Variants in ZDHHC17 observed in about 807,000 individuals in gnomAD.
ZDHHC17 encodes zDHHC palmitoyltransferase 17, also known as palmitoyltransferase ZDHHC17.
Under a neutral mutation model 90.3 loss-of-function variants are expected in ZDHHC17, and 40 were observed. That is an observed-to-expected ratio of 0.44 (90% CI 0.34 to 0.58). The LOEUF is 0.58. Among genes scored for constraint, ZDHHC17 ranks in the 20% least tolerant of loss-of-function variants. The pLI is 0.01. For synonymous variants in ZDHHC17, 235 were observed against 252.4 expected, an observed-to-expected ratio of 0.93 and a Z score of 0.65; for missense variants, 614 against 780.8, an observed-to-expected ratio of 0.79 and a Z score of 2.55.
intron 1 of ZDHHC17, among the ~76,000 whole-genome samples, chr12:76,794,407 A>G (rs74104850): frequency 2.6e-5 from 4 of 152,336 alleles, no homozygotes; most frequent in African/African-American, 7.2e-5. Flanking sequence ...CACATTGACA[A>G]GGTACTAGTC....
intron 1 of ZDHHC17, among the ~76,000 whole-genome samples, chr12:76,790,581 T>C (rs1952749325): frequency 6.6e-6 from 1 of 152,222 alleles, no homozygotes; most frequent in Admixed American, 6.5e-5. Context: ...ACATATATTG[T>C]TACAAATACA....
At chr12:76,833,819 C>T (rs1953332635) in intron 10 of ZDHHC17, among the ~76,000 whole-genome samples, 1 of 151,810 alleles carries the variant, frequency 6.6e-6, no homozygotes, top group Admixed American at 6.6e-5. Context: ...AAAATAAATA[C>T]CCTTTAATCT....
rs937034725 is a variant in ZDHHC17 at position 76,827,468 on chromosome 12, A to C, written c.1040+418A>C. ...GGTTTTATTTCTAGTAGCAAGGTAAAGTCTAAGCATAGTTGTGAAGTCGGC... is the reference window on the plus strand; with the variant it reads ...GGTTTTATTTCTAGTAGCAAGGTAACGTCTAAGCATAGTTGTGAAGTCGGC... On this transcript the variant is annotated intron_variant, in intron 9 of 16. Transcript: ENST00000426126. 5.9e-5 allele frequency among the ~76,000 whole-genome samples: 9 copies of C among 152,150 alleles called. No individual in the cohort carries two copies. The South Asian group carries it at 1.2e-3, about 21-fold the overall frequency.
At chr12:76,772,198 C>T (rs1333341838) in intron 1 of ZDHHC17, among the ~76,000 whole-genome samples, 1 of 152,148 alleles carries the variant, frequency 6.6e-6, no homozygotes, top group African/African-American at 2.4e-5. Context: ...TAGCACAATA[C>T]AGTATGATAG....
chr12:76,801,164 G>A (rs1317439345), intron 2 of ZDHHC17, among the ~76,000 whole-genome samples: 1 of 150,750 alleles, frequency 6.6e-6, no homozygotes, highest in Non-Finnish European at 1.5e-5. Context: ...GGGATTACAG[G>A]CGAGAGCCAC....
At chr12:76,815,734 A>G (rs1306389766) in intron 6 of ZDHHC17, 123 bp from the exon 7 acceptor site, 2 of 899,448 alleles carry the variant, frequency 2.2e-6, no homozygotes, top group African/African-American at 1.7e-5. Context: ...GTTGTTGAGT[A>G]GGTTAGAAGT....
Position 76,850,916 on chromosome 12 carries a change from C to A in ZDHHC17, c.1830C>A (p.Ile610=). 6.2e-7 allele frequency: 1 copy of A among 1,613,870 alleles called. No individual in the cohort carries two copies. Among genetic ancestry groups the A allele is most frequent in the Non-Finnish European group, 8.5e-7 (1 of 1,179,866 alleles). ...GCTGTGGCCTCTTTCGTCCTGTTAT[C>A]GTGGACTGGACCAGGCAGTATACAA... ...FRCCGLFRPV[I]VDWTRQYTIE... Residue 610 remains isoleucine, a synonymous_variant, in exon 17 of 17, where the codon ATC becomes ATA. Transcript: ENST00000426126.
intron 11 of ZDHHC17, among the ~76,000 whole-genome samples, 187 bp from the exon 12 acceptor site, chr12:76,842,732 T>G (rs192484821): frequency 1.6e-4 from 25 of 152,244 alleles, no homozygotes; most frequent in African/African-American, 5.8e-4. Flanking sequence ...CTGGGCAGCA[T>G]AGAGATTGCT....
At chr12:76,800,809 T>C (rs1479726743) in intron 2 of ZDHHC17, among the ~76,000 whole-genome samples, 1 of 152,130 alleles carries the variant, frequency 6.6e-6, no homozygotes, top group Non-Finnish European at 1.5e-5. Flanking sequence ...CCAAACTGTC[T>C]TTGGGTTGGA....
intron 8 of ZDHHC17, among the ~76,000 whole-genome samples, chr12:76,826,484 C>T (rs1337576919): frequency 6.6e-6 from 1 of 152,176 alleles, no homozygotes; most frequent in African/African-American, 2.4e-5. Context: ...GAAATGTCTA[C>T]TCCAGGCAAG....
At chr12:76,767,030 A>G (rs549555251) in intron 1 of ZDHHC17, among the ~76,000 whole-genome samples, 6 of 151,856 alleles carry the variant, frequency 4.0e-5, no homozygotes, top group South Asian at 2.1e-4. Flanking sequence ...AAAAAAAAAA[A>G]AAAAGAAAAG....
chr12:76,789,929 T>TAGTA (rs1952740532), intron 1 of ZDHHC17, among the ~76,000 whole-genome samples: 1 of 152,144 alleles, frequency 6.6e-6, no homozygotes, highest in African/African-American at 2.4e-5. Flanking sequence ...ACATGTAAGG[T>TAGTA]AGTATCCTGG....
intron 10 of ZDHHC17, among the ~76,000 whole-genome samples, chr12:76,841,404 A>G (rs1055467525): frequency 6.6e-6 from 1 of 152,130 alleles, no homozygotes. Context: ...TATTTTTTAT[A>G]GTGTTATTTA....
chr12:76,840,146 TTAA>T (rs1268130375), intron 10 of ZDHHC17: 2 of 152,158 alleles, frequency 1.3e-5, no homozygotes, highest in Non-Finnish European at 2.9e-5. Flanking sequence ...TATTATTTTG[TTAA>T]TAATTAGATA....
At chr12:76,787,165 C>T (rs1012066255) in intron 1 of ZDHHC17, among the ~76,000 whole-genome samples, 5 of 151,950 alleles carry the variant, frequency 3.3e-5, no homozygotes, top group Non-Finnish European at 5.9e-5. Flanking sequence ...AATGTCACCA[C>T]GACTTGAGTG....
chr12:76,794,024 TAC>T (rs1304480611), intron 1 of ZDHHC17, among the ~76,000 whole-genome samples: 2 of 152,082 alleles, frequency 1.3e-5, no homozygotes, highest in East Asian at 3.9e-4. Context: ...TAGCTGGGAC[TAC>T]AGGCGCCTGC....
At chr12:76,836,106 C>T (rs546527885) in intron 10 of ZDHHC17, among the ~76,000 whole-genome samples, 1 of 151,902 alleles carries the variant, frequency 6.6e-6, no homozygotes, top group South Asian at 2.1e-4. Flanking sequence ...TTTGCGTGTA[C>T]ATTTGTGAAT....
intron 5 of ZDHHC17, among the ~76,000 whole-genome samples, chr12:76,814,056 T>C (rs979923904): frequency 1.3e-5 from 2 of 151,984 alleles, no homozygotes; most frequent in African/African-American, 4.8e-5. Flanking sequence ...TTGAGATGAT[T>C]TTTATTTTCA....
At chr12:76,765,210 G>A (rs1049000073) in intron 1 of ZDHHC17, among the ~76,000 whole-genome samples, 6 of 152,214 alleles carry the variant, frequency 3.9e-5, no homozygotes, top group African/African-American at 1.4e-4. Flanking sequence ...GTTAAAAGAT[G>A]ACAGTCGTGT....
Sources: allele counts gnomAD v4.1 joint callset (sites outside exome capture counted in the v4.1 genomes callset), GRCh38; gene constraint gnomAD v4.1.1; transcripts MANE v1.5; gene names NCBI Gene and HGNC (gene_info 2026-07-23, HGNC 2026-07-21).